C4orf51: variants seen among roughly 807,000 people sequenced by gnomAD.
C4orf51 encodes chromosome 4 open reading frame 51.
In C4orf51, 25 loss-of-function variants were observed where a neutral mutation model predicts 25.2. That is an observed-to-expected ratio of 0.99 (90% confidence interval 0.72 to 1.39). The LOEUF (loss-of-function observed/expected upper bound fraction) is 1.39, where lower values mean the gene tolerates loss of function less well. Among genes scored for constraint, C4orf51 ranks in the 40% most tolerant of loss-of-function variants. The pLI is 0.00. For missense variants in C4orf51, 252 were observed against 239.6 expected (o/e 1.05, Z -0.34); for synonymous variants, 100 against 84.5 (o/e 1.18, Z -1.01).
chr4:145,764,999 G>A (rs756996484), intron 1 of C4orf51: 11 of 1,613,266 alleles, frequency 6.8e-6, no homozygotes, highest in East Asian at 2.2e-5. Context: ...TGAGCCCACC[G>A]GTGGGGACAG....
chr4:145,733,448 G>T (rs1054304811), downstream of C4orf51, among the ~76,000 whole-genome samples: 1 of 152,338 alleles, frequency 6.6e-6, no homozygotes, highest in East Asian at 1.9e-4. Context: ...CCCGCGAAGG[G>T]CCCCGGCAGC....
intron 2 of C4orf51, among the ~76,000 whole-genome samples, chr4:145,713,883 A>G (rs1386627499): frequency 2.0e-5 from 3 of 152,106 alleles, no homozygotes; most frequent in Non-Finnish European, 2.9e-5. Flanking sequence ...CCTGGGTTCA[A>G]ATGATTCTCC....
intron 1 of C4orf51, among the ~76,000 whole-genome samples, chr4:145,693,333 G>A (rs1729739530): frequency 6.6e-6 from 1 of 150,962 alleles, no homozygotes; most frequent in African/African-American, 2.4e-5. Context: ...ATGTTTCAGA[G>A]AGCACAGGGT....
chr4:145,734,581 T>C (rs1732699116), downstream of C4orf51, among the ~76,000 whole-genome samples: 1 of 152,186 alleles, frequency 6.6e-6, no homozygotes, highest in African/African-American at 2.4e-5. Context: ...GTTAGAGCCC[T>C]TTGCTGTTCC....
At chr4:145,755,601 AAAGAAG>A (rs34033634), downstream of C4orf51, among the ~76,000 whole-genome samples, 1 of 152,102 alleles carries the variant, frequency 6.6e-6, no homozygotes, top group African/African-American at 2.4e-5. Context: ...ACTACTTCAT[AAAGAAG>A]AAGAGGCCTT....
At chr4:145,788,785 C>A in the C4orf51 span, among the ~76,000 whole-genome samples, 1 of 152,210 alleles carries the variant, frequency 6.6e-6, no homozygotes. Flanking sequence ...TAGCAATGGG[C>A]CCTCAGAATG....
the C4orf51 span, among the ~76,000 whole-genome samples, chr4:145,781,195 C>CAAAAAAAAAAAAAGAAGAAAAAAA: frequency 1.8e-5 from 1 of 56,546 alleles, no homozygotes. Flanking sequence ...GACACCATCT[C>CAAAAAAAAAAAAAGAAGAAAAAAA]AAAAAAAAAA....
At chr4:145,714,151 A>G (rs1375323251) in intron 2 of C4orf51, among the ~76,000 whole-genome samples, 2 of 152,184 alleles carry the variant, frequency 1.3e-5, no homozygotes, top group African/African-American at 4.8e-5. Context: ...CATAACTTCT[A>G]TGTGCACTAG....
the C4orf51 span, among the ~76,000 whole-genome samples, chr4:145,787,828 A>C: frequency 6.6e-6 from 1 of 152,170 alleles, no homozygotes; most frequent in Non-Finnish European, 1.5e-5. Context: ...GCAAAAATGA[A>C]GCCTGACACT....
intron 1 of C4orf51, among the ~76,000 whole-genome samples, chr4:145,689,288 A>C (rs1729376451): frequency 6.6e-6 from 1 of 152,200 alleles, no homozygotes; most frequent in South Asian, 2.1e-4. Context: ...TTACCTTAAA[A>C]TTAAGTAGTT....
At chr4:145,751,611 A>G (rs1456270075) in intron 1 of C4orf51, among the ~76,000 whole-genome samples, 1 of 152,222 alleles carries the variant, frequency 6.6e-6, no homozygotes, top group East Asian at 1.9e-4. Context: ...GGGTCTTGCC[A>G]AAGGCCTACT....
intron 3 of C4orf51, among the ~76,000 whole-genome samples, chr4:145,727,523 T>C (rs1206443724): frequency 1.3e-5 from 2 of 152,068 alleles, no homozygotes; most frequent in East Asian, 1.9e-4. Flanking sequence ...AACATAATTA[T>C]TTGTTACGAT....
chr4:145,708,257 C>T (rs1261686349), intron 2 of C4orf51, among the ~76,000 whole-genome samples: 1 of 152,160 alleles, frequency 6.6e-6, no homozygotes, highest in African/African-American at 2.4e-5. Flanking sequence ...TGAGGACCTC[C>T]TGCACAGTGG....
chr4:145,716,603 T>G (rs1364589250), intron 2 of C4orf51, among the ~76,000 whole-genome samples: 2 of 152,242 alleles, frequency 1.3e-5, no homozygotes, highest in African/African-American at 4.8e-5. Context: ...GATTGTAATA[T>G]CAAATTAGGA....
At chr4:145,742,743 T>C (rs758249946) in intron 1 of C4orf51, among the ~76,000 whole-genome samples, 4 of 151,754 alleles carry the variant, frequency 2.6e-5, no homozygotes, top group Non-Finnish European at 4.4e-5. Context: ...GGTTTCACCA[T>C]GTTGGTTAGG....
At chr4:145,701,654 C>G (rs1730453695) in intron 2 of C4orf51, among the ~76,000 whole-genome samples, 1 of 151,724 alleles carries the variant, frequency 6.6e-6, no homozygotes, top group Non-Finnish European at 1.5e-5. Flanking sequence ...CCGTCCCCTT[C>G]TTAATCAATA....
intron 1 of C4orf51, among the ~76,000 whole-genome samples, chr4:145,767,412 A>C (rs1735471703): frequency 6.6e-6 from 1 of 152,192 alleles, no homozygotes; most frequent in Non-Finnish European, 1.5e-5. Flanking sequence ...GCTTAAAATA[A>C]GTTTAATTGG....
chr4:145,768,916 T>TATATATATATAGATATATATATAAAA (rs34051922), intron 1 of C4orf51, among the ~76,000 whole-genome samples: 1 of 34,416 alleles, frequency 2.9e-5, no homozygotes, highest in East Asian at 1.4e-3. Flanking sequence ...TATATATATA[T>TATATATATATAGATATATATATAAAA]TAGGTATACA....
At chr4:145,740,558 T>G (rs1243224318) in intron 1 of C4orf51, among the ~76,000 whole-genome samples, 2 of 152,232 alleles carry the variant, frequency 1.3e-5, no homozygotes, top group African/African-American at 4.8e-5. Flanking sequence ...TAACCACCCC[T>G]TGTTTTGAAA....
Sources: gnomAD v4.1 joint callset for allele counts (sites outside exome capture counted in the v4.1 genomes callset) on GRCh38, gnomAD v4.1.1 for gene constraint, MANE v1.5 for transcripts, NCBI Gene and HGNC (gene_info 2026-07-23, HGNC 2026-07-21) for gene names.